The following PADI2 variants were observed in gnomAD, a reference collection of about 807,000 sequenced individuals.
PADI2 encodes the protein protein-arginine deiminase type-2.
PADI2 carries 70 observed loss-of-function variants against 81.1 expected under a neutral mutation model. The ratio of observed to expected loss-of-function variants is 0.86; its 90% CI spans 0.71 to 1.05. The LOEUF (loss-of-function observed/expected upper bound fraction) is 1.05. PADI2 is among the 50% of genes least tolerant of loss of function. The pLI, the probability that PADI2 is intolerant of heterozygous loss-of-function variation, is 0.00. For missense variants in PADI2, 853 were observed against 889.9 expected (o/e 0.96, Z 0.53); for synonymous variants, 338 against 358.0 (o/e 0.94, Z 0.63).
chr1:17,107,079 C>A (rs1242478734), intron 1 of PADI2, among the ~76,000 whole-genome samples: 1 of 152,118 alleles, frequency 6.6e-6, no homozygotes, highest in Non-Finnish European at 1.5e-5. Context: ...CTAGGGCTGG[C>A]GGCTTTGCTA....
At chr1:17,093,516 A>C in intron 5 of PADI2, 51 bp downstream of exon 5, 1 of 1,232,360 alleles carries the variant, frequency 8.1e-7, no homozygotes, top group Non-Finnish European at 1.2e-6. Flanking sequence ...ACTGGGCATG[A>C]ATCTTTTCAC....
Position 17,104,860 on chromosome 1 carries a change from G to C in PADI2, c.276+18C>G. 1 of 1,549,958 alleles carries C rather than the reference G, an allele frequency of 6.5e-7. No homozygotes were observed. Among genetic ancestry groups the C allele is most frequent in the Non-Finnish European group, 8.7e-7 (1 of 1,145,010 alleles). ...CATGGTCCCGGGCCCGCAGAGGCTGGACTTCCCGCCGTGGTACCTTGTCAC... is the reference window on the plus strand; with the variant it reads ...CATGGTCCCGGGCCCGCAGAGGCTGCACTTCCCGCCGTGGTACCTTGTCAC... On this transcript the variant is annotated intron_variant, in intron 2 of 15. Transcript: ENST00000375486.
At chr1:17,096,355 G>A (rs141082624) in intron 3 of PADI2, among the ~76,000 whole-genome samples, 9 of 152,352 alleles carry the variant, frequency 5.9e-5, no homozygotes, top group African/African-American at 1.7e-4. Flanking sequence ...TACACAGTGC[G>A]GTTGGTCTGA....
At chr1:17,090,769 G>T (rs576260561) in intron 6 of PADI2, among the ~76,000 whole-genome samples, 15 of 152,150 alleles carry the variant, frequency 9.9e-5, no homozygotes, top group South Asian at 8.3e-4. Context: ...TGTGGTAGTA[G>T]TTCCTCTTTT....
intron 6 of PADI2, among the ~76,000 whole-genome samples, chr1:17,091,362 G>A (rs1454772827): frequency 6.6e-6 from 1 of 151,272 alleles, no homozygotes; most frequent in Non-Finnish European, 1.5e-5. Context: ...TTGCAATGCC[G>A]ACTATTTTGC....
chr1:17,093,037 T>A (rs1422759689), intron 5 of PADI2, among the ~76,000 whole-genome samples: 3 of 151,784 alleles, frequency 2.0e-5, no homozygotes, highest in Non-Finnish European at 4.4e-5. Context: ...ACACTAGAGA[T>A]GATTAACCTT....
chr1:17,098,357 A>C (rs1243717925), intron 3 of PADI2, among the ~76,000 whole-genome samples: 1 of 152,224 alleles, frequency 6.6e-6, no homozygotes, highest in Non-Finnish European at 1.5e-5. Context: ...TGGCGAGTCC[A>C]TTAAAGCAGT....
intron 1 of PADI2, among the ~76,000 whole-genome samples, chr1:17,114,502 G>T (rs942467317): frequency 6.6e-6 from 1 of 152,072 alleles, no homozygotes; most frequent in Non-Finnish European, 1.5e-5. Context: ...GACAATAATT[G>T]TACCTAACTC....
intron 2 of PADI2, 27 bp downstream of exon 2, chr1:17,104,851 C>T: frequency 1.3e-6 from 2 of 1,538,452 alleles, no homozygotes; most frequent in East Asian, 2.3e-5. Context: ...CCCGGGCCCG[C>T]AGAGGCTGGA....
At chr1:17,116,245 G>T (rs936044293) in intron 1 of PADI2, among the ~76,000 whole-genome samples, 13 of 152,228 alleles carry the variant, frequency 8.5e-5, no homozygotes, top group African/African-American at 3.1e-4. Flanking sequence ...GGCTGGGGAG[G>T]CCCCTGCTAT....
At chr1:17,100,366 C>T (rs1011270410) in intron 3 of PADI2, among the ~76,000 whole-genome samples, 3 of 152,164 alleles carry the variant, frequency 2.0e-5, no homozygotes, top group Non-Finnish European at 2.9e-5. Context: ...CTCACTGCAA[C>T]CTCTGTCTCC....
chr1:17,096,185 C>T (rs34698547), intron 3 of PADI2, among the ~76,000 whole-genome samples: 14,445 of 152,290 alleles, frequency 0.095, 889 homozygotes, highest in African/African-American at 0.16. Flanking sequence ...TCGTAGCTTA[C>T]GGCTGCAAGA....
intron 11 of PADI2, among the ~76,000 whole-genome samples, chr1:17,077,646 G>T (rs142801005): frequency 6.6e-6 from 1 of 152,262 alleles, no homozygotes; most frequent in Non-Finnish European, 1.5e-5. Context: ...CTCAGGAAAT[G>T]GTTGCTGAGT....
intron 3 of PADI2, among the ~76,000 whole-genome samples, chr1:17,101,470 A>T (rs549161296): frequency 1.4e-3 from 215 of 152,196 alleles, no homozygotes; most frequent in African/African-American, 5.0e-3. Flanking sequence ...TGCTGTGTGC[A>T]TGCAAGGTTC....
chr1:17,104,020 C>G (rs898705640), intron 2 of PADI2, among the ~76,000 whole-genome samples: 10 of 150,794 alleles, frequency 6.6e-5, no homozygotes. Context: ...CGGTGGCTCA[C>G]GCCTGTAATC....
At chr1:17,082,488 G>T in intron 10 of PADI2, 57 bp downstream of exon 10, 2 of 1,136,382 alleles carry the variant, frequency 1.8e-6, no homozygotes, top group Non-Finnish European at 1.3e-6. Context: ...TGACCACTCT[G>T]TCTTATGAGA....
Position 17,088,920 on chromosome 1 carries a change from A to AC in PADI2, c.656-2222_656-2221insG, listed in dbSNP as rs1343629603. On this transcript the variant is annotated intron_variant, in intron 6 of 15. Coordinates refer to ENST00000375486, the MANE Select transcript of PADI2 (RefSeq NM_007365.3). The stretch of plus-strand genomic sequence containing the variant: ...AGACTCCATCTCAAAAAAAAAAAAA[A>AC]AAAAAAAAAAACCAAGCCTCAGAGA... Among the ~76,000 whole-genome samples the AC allele has an allele frequency of 2.0e-4, 29 of 146,620 alleles. 1 individual carries two copies. In the South Asian group the frequency reaches 2.0e-3, roughly 10 times the overall value.
chr1:17,084,775 G>A (rs1214562257), intron 7 of PADI2, 73 bp from the exon 8 acceptor site: 6 of 862,160 alleles, frequency 7.0e-6, no homozygotes, highest in Admixed American at 4.3e-5. Flanking sequence ...CTTTCAAAGC[G>A]GGTGAAACTG....
At chr1:17,118,356 G>A (rs1489599517) in intron 1 of PADI2, among the ~76,000 whole-genome samples, 1 of 152,058 alleles carries the variant, frequency 6.6e-6, no homozygotes, top group Admixed American at 6.6e-5. Context: ...TTAAATGCTT[G>A]GAATAGAGGG....
Sources: gnomAD v4.1 joint callset for allele counts (sites outside exome capture counted in the v4.1 genomes callset) on GRCh38, gnomAD v4.1.1 for gene constraint, MANE v1.5 for transcripts, NCBI Gene and HGNC (gene_info 2026-07-23, HGNC 2026-07-21) for gene names.